TMEM114: variants seen among roughly 807,000 people sequenced by gnomAD.
The protein encoded by TMEM114 is claudin-26.
TMEM114 carries 6 observed loss-of-function variants against 6.2 expected under a neutral mutation model. The ratio of observed to expected loss-of-function variants is 0.97; its 90% confidence interval spans 0.53 to 1.91. The LOEUF (loss-of-function observed/expected upper bound fraction) is 1.91. TMEM114 is among the 40% of genes most tolerant of loss of function. The pLI, the probability that TMEM114 is intolerant of heterozygous loss-of-function variation, is 0.01. For missense variants in TMEM114, 218 were observed against 158.3 expected (o/e 1.38, Z -2.02); for synonymous variants, 104 against 73.0 (o/e 1.42, Z -2.16).
intron 2 of TMEM114, among the ~76,000 whole-genome samples, chr16:8,556,844 T>C (rs1455875045): frequency 1.3e-5 from 2 of 152,208 alleles, no homozygotes; most frequent in African/African-American, 2.4e-5. Flanking sequence ...TTTTATGTCA[T>C]GTGTATTTTA....
chr16:8,565,045 ATGAGTGAGTGAG>A (rs141124432), downstream of TMEM114, among the ~76,000 whole-genome samples: 1 of 108,412 alleles, frequency 9.2e-6, no homozygotes, highest in African/African-American at 3.4e-5. Context: ...GAGTGAGTGA[ATGAGTGAGTGAG>A]TGAGTGAATG....
At chr16:8,584,922 C>CA (rs905674847) in intron 2 of TMEM114, among the ~76,000 whole-genome samples, 5,312 of 48,566 alleles carry the variant, frequency 0.11, 185 homozygotes, top group Non-Finnish European at 0.12. Context: ...AACGCCGTCT[C>CA]AAAAAAAAAA....
chr16:8,536,608 C>G (rs533156180), downstream of TMEM114, among the ~76,000 whole-genome samples: 41 of 152,326 alleles, frequency 2.7e-4, no homozygotes, highest in African/African-American at 9.1e-4. Context: ...CAAAGCCATT[C>G]TTGCACCCTT....
intron 2 of TMEM114, among the ~76,000 whole-genome samples, chr16:8,555,504 G>A (rs1900981962): frequency 6.6e-6 from 1 of 152,180 alleles, no homozygotes; most frequent in Non-Finnish European, 1.5e-5. Context: ...GGCAAGGCAA[G>A]GGGCAGTAAT....
chr16:8,564,929 ATGAG>A (rs371889425), downstream of TMEM114, among the ~76,000 whole-genome samples: 1,064 of 104,668 alleles, frequency 0.01, 17 homozygotes, highest in African/African-American at 0.039. Flanking sequence ...GAGTGAGGGA[ATGAG>A]TGAGTGAGGG....
chr16:8,562,446 G>T (rs1434180900), intron 2 of TMEM114, among the ~76,000 whole-genome samples: 1 of 150,908 alleles, frequency 6.6e-6, no homozygotes, highest in East Asian at 2.0e-4. Flanking sequence ...GTGAATGAGT[G>T]AATGAGTGAG....
rs1330896801 is a variant in TMEM114, at chr16:8,558,522, T to C, written n.213-20696A>G. On this transcript the variant is annotated intron_variant and non_coding_transcript_variant, in intron 2 of 2. Coordinates refer to the TMEM114 transcript ENST00000623677. Reference sequence around the variant, plus strand: ...ACCCAATGTAACTTCATCTTAACTATAGTAATTACACCGGTAAAGACCGCT... The same window carrying C: ...ACCCAATGTAACTTCATCTTAACTACAGTAATTACACCGGTAAAGACCGCT... 2.6e-5 allele frequency among the ~76,000 whole-genome samples: 4 copies of C among 152,276 alleles called. No homozygotes were observed. In the South Asian group the frequency reaches 6.2e-4, roughly 24 times the overall value.
At chr16:8,570,511 T>C (rs1467255369) in intron 3 of TMEM114, among the ~76,000 whole-genome samples, 2 of 152,170 alleles carry the variant, frequency 1.3e-5, no homozygotes, top group Admixed American at 6.5e-5. Context: ...TTTGTATTTT[T>C]AGTAGAGACA....
intron 2 of TMEM114, among the ~76,000 whole-genome samples, chr16:8,574,112 T>C (rs138208719): frequency 6.6e-4 from 101 of 152,294 alleles, no homozygotes; most frequent in African/African-American, 2.3e-3. Flanking sequence ...GATGACCTCA[T>C]GGCGATGAAG....
chr16:8,583,001 A>G (rs981674643), intron 2 of TMEM114, among the ~76,000 whole-genome samples: 2 of 152,194 alleles, frequency 1.3e-5, no homozygotes, highest in African/African-American at 4.8e-5. Context: ...GCTAGGGTTC[A>G]AATCCTAGAA....
chr16:8,553,017 G>A (rs996519969), intron 2 of TMEM114, among the ~76,000 whole-genome samples: 3 of 152,210 alleles, frequency 2.0e-5, no homozygotes, highest in Admixed American at 6.5e-5. Context: ...CTGCTCACTT[G>A]CTAATCCAGC....
the TMEM114 span, among the ~76,000 whole-genome samples, chr16:8,529,215 C>G: frequency 6.6e-6 from 1 of 152,184 alleles, no homozygotes; most frequent in African/African-American, 2.4e-5. Flanking sequence ...GGTTATTTCT[C>G]TCTTATCACT....
At chr16:8,528,417 C>T in the TMEM114 span, among the ~76,000 whole-genome samples, 12 of 152,124 alleles carry the variant, frequency 7.9e-5, no homozygotes, top group Non-Finnish European at 1.6e-4. Flanking sequence ...CTCTGCTGCC[C>T]CTTCTGACCT....
chr16:8,571,435 G>A (rs1205453421), intron 3 of TMEM114, among the ~76,000 whole-genome samples: 1 of 152,076 alleles, frequency 6.6e-6, no homozygotes, highest in African/African-American at 2.4e-5. Flanking sequence ...CATTTCTTTT[G>A]TGTGTGGTGA....
chr16:8,581,277 T>A (rs1000681502), intron 2 of TMEM114, among the ~76,000 whole-genome samples: 2 of 152,244 alleles, frequency 1.3e-5, no homozygotes, highest in Admixed American at 6.5e-5. Flanking sequence ...AACACTAATA[T>A]GCATTAGTAT....
intron 2 of TMEM114, among the ~76,000 whole-genome samples, chr16:8,578,964 G>A (rs1386976169): frequency 1.3e-5 from 2 of 152,152 alleles, no homozygotes; most frequent in Non-Finnish European, 2.9e-5. Flanking sequence ...GGGTGACAGG[G>A]TGAGACTCCA....
At chr16:8,540,730 G>A (rs28396220) in intron 2 of TMEM114, among the ~76,000 whole-genome samples, 9,529 of 152,296 alleles carry the variant, frequency 0.063, 333 homozygotes, top group East Asian at 0.17. Flanking sequence ...TCTTCTTGGA[G>A]CTTACAGACT....
At chr16:8,545,624 A>G (rs1900642571) in intron 2 of TMEM114, among the ~76,000 whole-genome samples, 1 of 152,152 alleles carries the variant, frequency 6.6e-6, no homozygotes, top group African/African-American at 2.4e-5. Flanking sequence ...AATTCAGTAG[A>G]TCATTAGTGG....
intron 2 of TMEM114, among the ~76,000 whole-genome samples, chr16:8,563,791 AAATG>A (rs1901390905): frequency 9.5e-6 from 1 of 104,926 alleles, no homozygotes. Flanking sequence ...CTGAGTGAGT[AAATG>A]AGTGAGGGAG....
Sources: gnomAD v4.1 joint callset for allele counts (sites outside exome capture counted in the v4.1 genomes callset) on GRCh38, gnomAD v4.1.1 for gene constraint, MANE v1.5 for transcripts, NCBI Gene and HGNC (gene_info 2026-07-23, HGNC 2026-07-21) for gene names.